GRID2: variants seen among roughly 807,000 people sequenced by gnomAD.
The protein encoded by GRID2 is glutamate ionotropic receptor delta type subunit 2.
Under a neutral mutation model 114.8 loss-of-function variants are expected in GRID2, and 33 were observed. The ratio of observed to expected loss-of-function variants is 0.29; its 90% CI spans 0.22 to 0.38. The LOEUF is 0.38. GRID2 is among the 10% of genes least tolerant of loss of function. The probability of loss-of-function intolerance (pLI) is 1.00; values close to 1 mark genes in which losing one functional copy is unlikely to be tolerated. For synonymous variants in GRID2, 505 were observed against 449.9 expected (o/e 1.12, Z -1.55); for missense variants, 1,184 against 1,257.7 (o/e 0.94, Z 0.89).
chr4:92,432,276 G>T (rs1009760106), intron 1 of GRID2, among the ~76,000 whole-genome samples: 7 of 152,080 alleles, frequency 4.6e-5, no homozygotes, highest in African/African-American at 1.4e-4. Context: ...AAGGCCCAAG[G>T]GTTCTTTAGT....
chr4:92,405,636 A>G (rs1730990763), intron 1 of GRID2, among the ~76,000 whole-genome samples: 1 of 151,950 alleles, frequency 6.6e-6, no homozygotes, highest in African/African-American at 2.4e-5. Context: ...ACATAGCAAT[A>G]CATAAGGGAA....
At chr4:93,100,391 C>A (rs951017658) in intron 3 of GRID2, among the ~76,000 whole-genome samples, 5 of 151,930 alleles carry the variant, frequency 3.3e-5, no homozygotes, top group African/African-American at 1.2e-4. Flanking sequence ...CAAATGCCAA[C>A]AAAATAATAA....
At chr4:93,316,291 C>CGAAAGAAAGAAA (rs201308452) in intron 8 of GRID2, among the ~76,000 whole-genome samples, 6,466 of 76,428 alleles carry the variant, frequency 0.085, 295 homozygotes, top group South Asian at 0.11. Flanking sequence ...AACGAAAGAA[C>CGAAAGAAAGAAA]GAAAGAAAGA....
At chr4:93,284,339 A>T (rs1343556318) in intron 8 of GRID2, among the ~76,000 whole-genome samples, 1 of 152,022 alleles carries the variant, frequency 6.6e-6, no homozygotes, top group Non-Finnish European at 1.5e-5. Flanking sequence ...ATCAACACAC[A>T]TTGGGGCACA....
chr4:93,230,294 C>A (rs746731780), intron 7 of GRID2, among the ~76,000 whole-genome samples: 4 of 151,966 alleles, frequency 2.6e-5, no homozygotes, highest in Non-Finnish European at 5.9e-5. Flanking sequence ...AACTTAATTA[C>A]TGGTTCTCTT....
intron 8 of GRID2, among the ~76,000 whole-genome samples, chr4:93,245,723 A>G (rs1748132573): frequency 6.6e-6 from 1 of 152,204 alleles, no homozygotes; most frequent in Non-Finnish European, 1.5e-5. Context: ...ACTTCAAAGC[A>G]AATTGAGTTT....
In GRID2 at chr4:93,131,145, A is replaced by ATTTTTTTTTTTTTT. The variant is rs34215461; in HGVS notation, c.735+20203_735+20216dup. 3.0e-3 allele frequency among the ~76,000 whole-genome samples: 265 copies of ATTTTTTTTTTTTTT among 88,748 alleles called. 25 individuals carry two copies. Among genetic ancestry groups the ATTTTTTTTTTTTTT allele is most frequent in the African/African-American group, 0.012 (228 of 19,072 alleles). The allele number at this position is 88,748 out of a possible 152,430, so 58.2% of individuals were successfully genotyped here. On this transcript the variant is annotated intron_variant, in intron 4 of 15. Transcript: ENST00000282020. ...AGAACTTCCATGAAAAGATTAAATAATTTTTTTTTTTTTTTTTTTTTTTTG... is the reference window on the plus strand; with the variant it reads ...AGAACTTCCATGAAAAGATTAAATAATTTTTTTTTTTTTTTTTTTTTTTTTTTTTTTTTTTTTTG...
Position 93,192,770 on chromosome 4 carries a change from A to G in GRID2, c.736-14634A>G, listed in dbSNP as rs1056221771. Reference sequence around the variant, plus strand: ...CTCAAAAAAAAAAAAAAAAAAAAAAAAGAGATTTCTGTTGATTTTAAAATT... The same window carrying G: ...CTCAAAAAAAAAAAAAAAAAAAAAAGAGAGATTTCTGTTGATTTTAAAATT... On this transcript the variant is annotated intron_variant, in intron 4 of 15. Coordinates refer to ENST00000282020, the MANE Select transcript of GRID2 (RefSeq NM_001510.4). Among the ~76,000 whole-genome samples the G allele has an allele frequency of 4.6e-5, 7 of 150,910 alleles. No homozygotes were observed. In the South Asian group the frequency reaches 6.3e-4, roughly 14 times the overall value.
At chr4:93,576,381 C>T (rs2149587243) in intron 13 of GRID2, among the ~76,000 whole-genome samples, 1 of 152,218 alleles carries the variant, frequency 6.6e-6, no homozygotes, top group East Asian at 1.9e-4. Flanking sequence ...AATCCGCTGA[C>T]AAAATAGCTT....
chr4:92,652,783 C>T (rs1226950580), intron 2 of GRID2, among the ~76,000 whole-genome samples: 16 of 133,778 alleles, frequency 1.2e-4, no homozygotes, highest in Non-Finnish European at 2.2e-4. Context: ...CAAGACCAGC[C>T]TGGCCAAGAT....
At chr4:92,385,102 T>G (rs1729878733) in intron 1 of GRID2, among the ~76,000 whole-genome samples, 1 of 151,780 alleles carries the variant, frequency 6.6e-6, no homozygotes. Flanking sequence ...GAGTATCTAG[T>G]GTTATAAAAT....
intron 2 of GRID2, among the ~76,000 whole-genome samples, chr4:92,889,102 A>C (rs1217612392): frequency 6.6e-6 from 1 of 152,156 alleles, no homozygotes. Context: ...TCACTCCCTT[A>C]GGAAAAATAC....
chr4:92,685,746 C>A (rs1310950480), intron 2 of GRID2, among the ~76,000 whole-genome samples: 1 of 151,880 alleles, frequency 6.6e-6, no homozygotes, highest in Non-Finnish European at 1.5e-5. Context: ...TGCAGAATTC[C>A]CTCAGCTTAG....
intron 8 of GRID2, among the ~76,000 whole-genome samples, chr4:93,353,392 G>GA (rs1760995621): frequency 6.6e-6 from 1 of 151,892 alleles, no homozygotes; most frequent in Non-Finnish European, 1.5e-5. Flanking sequence ...AGCTAGATGT[G>GA]AAAAATCACA....
intron 2 of GRID2, among the ~76,000 whole-genome samples, chr4:92,855,160 A>G (rs1251713529): frequency 6.6e-6 from 1 of 152,044 alleles, no homozygotes; most frequent in East Asian, 1.9e-4. Context: ...ACAGCTACCT[A>G]GTGACAGAAT....
intron 2 of GRID2, among the ~76,000 whole-genome samples, chr4:92,932,788 G>C (rs1750347890): frequency 6.6e-6 from 1 of 151,176 alleles, no homozygotes; most frequent in Non-Finnish European, 1.5e-5. Context: ...AGTCTTTATT[G>C]AGCTAAAAAA....
Position 92,655,293 on chromosome 4 carries a change from A to G in GRID2, c.244+65007A>G, listed in dbSNP as rs151187946. 3.9e-5 allele frequency among the ~76,000 whole-genome samples: 6 copies of G among 152,038 alleles called. No individual in the cohort carries two copies. In the East Asian group the frequency reaches 1.2e-3, roughly 29 times the overall value. On this transcript the variant is annotated intron_variant, in intron 2 of 15. Coordinates refer to ENST00000282020, the MANE Select transcript of GRID2 (RefSeq NM_001510.4). ...GTTTTGGTTACTATAGCCTTGTCTT[A>G]TATTTCGCAGTTAGGTAGTATGATG...
At chr4:92,859,822 TTC>T (rs1454274845) in intron 2 of GRID2, among the ~76,000 whole-genome samples, 1 of 152,130 alleles carries the variant, frequency 6.6e-6, no homozygotes, top group Non-Finnish European at 1.5e-5. Flanking sequence ...AGAGTAGAGT[TTC>T]TCAGTCTTGA....
chr4:92,842,786 G>A (rs1195252382), intron 2 of GRID2, among the ~76,000 whole-genome samples: 4 of 152,110 alleles, frequency 2.6e-5, no homozygotes, highest in Admixed American at 1.3e-4. Flanking sequence ...TCTTTACTTG[G>A]AAGAATGACT....
Sources: allele counts gnomAD v4.1 joint callset (sites outside exome capture counted in the v4.1 genomes callset), GRCh38; gene constraint gnomAD v4.1.1; transcripts MANE v1.5; gene names NCBI Gene and HGNC (gene_info 2026-07-23, HGNC 2026-07-21).